Variants in ZNF678 observed in about 807,000 individuals in gnomAD.
The protein encoded by ZNF678 is zinc finger protein 678.
In ZNF678, 5 loss-of-function variants were observed where a neutral mutation model predicts 3.0. That is an observed-to-expected ratio of 1.69 (90% confidence interval 0.88 to 3.56). ZNF678 has a LOEUF of 3.56. ZNF678 is among the 30% of genes most tolerant of loss of function. ZNF678 has a pLI of 0.00. For synonymous variants in ZNF678, 218 were observed against 199.6 expected, an observed-to-expected ratio of 1.09 and a Z score of -0.78; for missense variants, 593 against 605.0, an observed-to-expected ratio of 0.98 and a Z score of 0.21.
At chr1:227,672,393 A>T (rs1489195182) in intron 5 of ZNF678, among the ~76,000 whole-genome samples, 1 of 152,142 alleles carries the variant, frequency 6.6e-6, no homozygotes, top group African/African-American at 2.4e-5. Context: ...AATAAGCTTC[A>T]GGTTTGAGCC....
chr1:227,602,253 T>A (rs1657755058), intron 1 of ZNF678, among the ~76,000 whole-genome samples: 1 of 152,254 alleles, frequency 6.6e-6, no homozygotes, highest in African/African-American at 2.4e-5. Context: ...TGCCAGATTA[T>A]TAAAATAAAA....
intron 1 of ZNF678, among the ~76,000 whole-genome samples, chr1:227,645,352 T>C (rs1407170946): frequency 6.6e-6 from 1 of 152,236 alleles, no homozygotes; most frequent in Non-Finnish European, 1.5e-5. Context: ...CTGGGTCAGC[T>C]GTTTCTCCAG....
At chr1:227,587,332 G>GCAAAACAAAA (rs533441068) in intron 1 of ZNF678, among the ~76,000 whole-genome samples, 8 of 151,406 alleles carry the variant, frequency 5.3e-5, no homozygotes, top group African/African-American at 1.7e-4. Flanking sequence ...TATATAGGAG[G>GCAAAACAAAA]CAAAACAAAA....
chr1:227,569,739 C>G (rs917642724), intron 1 of ZNF678, among the ~76,000 whole-genome samples: 5 of 152,128 alleles, frequency 3.3e-5, no homozygotes, highest in Non-Finnish European at 5.9e-5. Context: ...CATCTACAAA[C>G]AGTGACTTTT....
chr1:227,641,923 C>G (rs537098870), intron 1 of ZNF678, among the ~76,000 whole-genome samples: 1 of 152,322 alleles, frequency 6.6e-6, no homozygotes, highest in South Asian at 2.1e-4. Flanking sequence ...ACTTTCATTC[C>G]TTCTCCTGTT....
chr1:227,651,283 G>A (rs1454276641), intron 3 of ZNF678, among the ~76,000 whole-genome samples: 1 of 152,072 alleles, frequency 6.6e-6, no homozygotes, highest in African/African-American at 2.4e-5. Flanking sequence ...TTGATCTATA[G>A]GGCAGACACT....
intron 1 of ZNF678, among the ~76,000 whole-genome samples, chr1:227,614,890 C>T (rs1658106201): frequency 6.6e-6 from 1 of 152,224 alleles, no homozygotes; most frequent in Non-Finnish European, 1.5e-5. Context: ...CCAGCAAAAC[C>T]TTTACTTGTG....
intron 1 of ZNF678, among the ~76,000 whole-genome samples, chr1:227,573,347 T>C (rs140018978): frequency 5.1e-4 from 78 of 152,314 alleles, no homozygotes; most frequent in African/African-American, 1.8e-3. Flanking sequence ...AGTAGCACTA[T>C]TATTATATTG....
chr1:227,565,652 T>G (rs1656660396), intron 1 of ZNF678, among the ~76,000 whole-genome samples: 1 of 152,226 alleles, frequency 6.6e-6, no homozygotes, highest in South Asian at 2.1e-4. Flanking sequence ...TGTAAAGAAA[T>G]ATTTGTGCCA....
At chr1:227,627,850 T>C (rs144928559) in intron 1 of ZNF678, among the ~76,000 whole-genome samples, 2,144 of 152,324 alleles carry the variant, frequency 0.014, 53 homozygotes, top group African/African-American at 0.048. Flanking sequence ...TCCATCAGTA[T>C]ACAAGTTGAG....
At chr1:227,643,863 CTTTT>C (rs554280668) in intron 1 of ZNF678, among the ~76,000 whole-genome samples, 3 of 115,424 alleles carry the variant, frequency 2.6e-5, no homozygotes, top group Admixed American at 9.8e-5. Flanking sequence ...CTTTTCTTTT[CTTTT>C]TTTTTTTTTT....
chr1:227,564,454 C>G (rs1320266838), intron 1 of ZNF678, among the ~76,000 whole-genome samples: 1 of 152,218 alleles, frequency 6.6e-6, no homozygotes, highest in Non-Finnish European at 1.5e-5. Context: ...TATTTTAACA[C>G]TGCACAAGAG....
intron 1 of ZNF678, among the ~76,000 whole-genome samples, chr1:227,623,671 T>C (rs1313594124): frequency 6.6e-6 from 1 of 152,212 alleles, no homozygotes; most frequent in Admixed American, 6.5e-5. Flanking sequence ...TTAAATACTA[T>C]TAGTTGATAA....
intron 1 of ZNF678, among the ~76,000 whole-genome samples, chr1:227,643,876 T>TTTTG (rs1489663055): frequency 6.9e-6 from 1 of 145,208 alleles, no homozygotes; most frequent in African/African-American, 2.5e-5. Context: ...TTTTTTTTTT[T>TTTTG]TTTTTGAGAT....
chr1:227,582,729 C>T (rs1410690941), intron 1 of ZNF678: 3 of 154,370 alleles, frequency 1.9e-5, no homozygotes, highest in African/African-American at 7.2e-5. Context: ...TTCAGAGCTA[C>T]AGTCATCTAT....
At chr1:227,652,444 AT>A (rs984232959) in intron 3 of ZNF678, among the ~76,000 whole-genome samples, 90 of 152,166 alleles carry the variant, frequency 5.9e-4, no homozygotes, top group African/African-American at 1.8e-3. Flanking sequence ...GTTGATGAAT[AT>A]TTGAATAGCT....
At chr1:227,574,465 T>A (rs1571858023) in intron 1 of ZNF678, among the ~76,000 whole-genome samples, 2 of 152,306 alleles carry the variant, frequency 1.3e-5, no homozygotes, top group East Asian at 1.9e-4. Flanking sequence ...TGCATGGATG[T>A]TTTCTTTTGA....
intron 1 of ZNF678, among the ~76,000 whole-genome samples, chr1:227,645,418 G>T (rs1219267113): frequency 6.6e-6 from 1 of 152,124 alleles, no homozygotes; most frequent in African/African-American, 2.4e-5. Flanking sequence ...TAATGTTTCT[G>T]CCTAATAAAT....
chr1:227,599,434 G>A (rs1263930746), intron 1 of ZNF678, among the ~76,000 whole-genome samples: 2 of 152,110 alleles, frequency 1.3e-5, no homozygotes, highest in Non-Finnish European at 2.9e-5. Flanking sequence ...TATGTAATTA[G>A]GTGAAATTTT....
Sources: allele counts gnomAD v4.1 joint callset (sites outside exome capture counted in the v4.1 genomes callset), GRCh38; gene constraint gnomAD v4.1.1; transcripts MANE v1.5; gene names NCBI Gene and HGNC (gene_info 2026-07-23, HGNC 2026-07-21).